The following AHCYL2 variants were observed in gnomAD, a reference collection of about 807,000 sequenced individuals.
The protein encoded by AHCYL2 is adenosylhomocysteinase like 2, also known as S-adenosylhomocysteine hydrolase-like protein 2.
In AHCYL2, 28 loss-of-function variants were observed where a neutral mutation model predicts 81.4. The observed-to-expected ratio is 0.34, with a 90% confidence interval of 0.25 to 0.47. The LOEUF (loss-of-function observed/expected upper bound fraction) is 0.47. Ranked by LOEUF, AHCYL2 falls within the 20% of genes least tolerant of loss-of-function variation. The pLI, the probability that AHCYL2 is intolerant of heterozygous loss-of-function variation, is 1.00. For missense variants in AHCYL2, 551 were observed against 785.1 expected (o/e 0.70, Z 3.56); for synonymous variants, 272 against 290.2 (o/e 0.94, Z 0.64).
At chr7:129,393,685 G>T (rs527846874) in intron 4 of AHCYL2, among the ~76,000 whole-genome samples, 2 of 152,026 alleles carry the variant, frequency 1.3e-5, no homozygotes, top group South Asian at 4.2e-4. Flanking sequence ...TTCATTCTTT[G>T]AACATTTCCT....
intron 1 of AHCYL2, among the ~76,000 whole-genome samples, chr7:129,340,411 C>T (rs1346598662): frequency 6.6e-6 from 1 of 150,698 alleles, no homozygotes; most frequent in Admixed American, 6.6e-5. Flanking sequence ...ACTAAAAATA[C>T]AAAAAAATTA....
At chr7:129,226,767 A>G (rs1179702550) in intron 1 of AHCYL2, among the ~76,000 whole-genome samples, 2 of 152,220 alleles carry the variant, frequency 1.3e-5, no homozygotes, top group African/African-American at 4.8e-5. Flanking sequence ...TCCTCTGGGA[A>G]GAATTAGAGT....
chr7:129,406,495 C>A lies in AHCYL2; in HGVS notation c.1295+29C>A. The A allele has an allele frequency of 1.2e-6, 2 of 1,604,546 alleles. No homozygotes were observed. The highest frequency in any genetic ancestry group is 1.7e-6 in the Non-Finnish European group (2 of 1,171,410). ...AGCCTCTACGCTACCATCTCACTTG[C>A]AATCTCGGAGCTGTCTCCAAAGAAT... On this transcript the variant is annotated intron_variant, in intron 10 of 16. Transcript: ENST00000325006. The surrounding 1 kb of genome is among the most constrained non-coding windows in gnomAD (Gnocchi z 4.3).
At chr7:129,370,772 C>T (rs1477353493) in intron 1 of AHCYL2, among the ~76,000 whole-genome samples, 1 of 152,188 alleles carries the variant, frequency 6.6e-6, no homozygotes, top group African/African-American at 2.4e-5. Context: ...GTATTACTCT[C>T]ACTTAGGAAT....
At chr7:129,353,087 A>G (rs538915290) in intron 1 of AHCYL2, among the ~76,000 whole-genome samples, 16 of 152,074 alleles carry the variant, frequency 1.1e-4, no homozygotes, top group Non-Finnish European at 2.2e-4. Flanking sequence ...CTGGGATTAC[A>G]GATGGCTGCC....
intron 12 of AHCYL2, among the ~76,000 whole-genome samples, chr7:129,422,629 G>T (rs539672269): frequency 1.3e-5 from 2 of 152,200 alleles, no homozygotes; most frequent in Non-Finnish European, 1.5e-5. Flanking sequence ...ATATGTTGTG[G>T]AATGACATCC....
chr7:129,226,922 A>AATTT (rs3993422), intron 1 of AHCYL2, among the ~76,000 whole-genome samples: 1 of 152,028 alleles, frequency 6.6e-6, no homozygotes, highest in Non-Finnish European at 1.5e-5. Flanking sequence ...GATACTTTGT[A>AATTT]TCGTTAAGTC....
intron 1 of AHCYL2, among the ~76,000 whole-genome samples, chr7:129,350,464 A>ACCT (rs1793519289): frequency 6.6e-6 from 1 of 151,410 alleles, no homozygotes; most frequent in Admixed American, 6.6e-5. Flanking sequence ...GCTTACTGCA[A>ACCT]CCTCTGCCTC....
intron 1 of AHCYL2, among the ~76,000 whole-genome samples, chr7:129,335,516 T>C (rs1295183283): frequency 6.6e-6 from 1 of 152,218 alleles, no homozygotes; most frequent in Admixed American, 6.5e-5. Flanking sequence ...TCGTTTACTT[T>C]GCTTCTGATT....
At chr7:129,340,429 G>A (rs938084782) in intron 1 of AHCYL2, among the ~76,000 whole-genome samples, 5 of 151,474 alleles carry the variant, frequency 3.3e-5, no homozygotes, top group East Asian at 3.9e-4. Context: ...TTAGCCGGGC[G>A]TGGTGGCAGT....
intron 1 of AHCYL2, among the ~76,000 whole-genome samples, chr7:129,338,689 TG>T (rs1220559770): frequency 5.3e-5 from 8 of 152,250 alleles, no homozygotes; most frequent in African/African-American, 1.9e-4. Context: ...CTATGTAAAC[TG>T]GTGACATGCT....
chr7:129,382,633 C>T (rs778108861), intron 2 of AHCYL2, among the ~76,000 whole-genome samples: 15 of 151,564 alleles, frequency 9.9e-5, no homozygotes, highest in Middle Eastern at 3.5e-3. Context: ...AGGCAGGGCG[C>T]GTTGGCTCAC....
rs140976836 is a variant in AHCYL2, at chr7:129,321,280, G to A, written c.364-58358G>A. On this transcript the variant is annotated intron_variant, in intron 1 of 16. Transcript: ENST00000325006. Reference sequence around the variant, plus strand: ...AAAGCATTCAGTTTTTCATCCTTACGTATAATGTTAACTGTAATTTGTTGT... The same window carrying A: ...AAAGCATTCAGTTTTTCATCCTTACATATAATGTTAACTGTAATTTGTTGT... Among the ~76,000 whole-genome samples the A allele has an allele frequency of 8.5e-4, 129 of 152,214 alleles. No individual in the cohort carries two copies. The East Asian group carries it at 0.018, about 21-fold the overall frequency.
chr7:129,401,645 A>C (rs1473246308), intron 6 of AHCYL2, among the ~76,000 whole-genome samples: 2 of 152,180 alleles, frequency 1.3e-5, no homozygotes, highest in Non-Finnish European at 2.9e-5. Context: ...TGGCTGTAAG[A>C]TGAGTCAGCT....
intron 15 of AHCYL2, among the ~76,000 whole-genome samples, chr7:129,425,730 C>G (rs1303551480): frequency 6.6e-6 from 1 of 152,182 alleles, no homozygotes; most frequent in Non-Finnish European, 1.5e-5. Flanking sequence ...AGGCAAAGAT[C>G]AGGTAATAAA....
At chr7:129,383,389 C>T (rs1795055154) in intron 2 of AHCYL2, among the ~76,000 whole-genome samples, 3 of 151,946 alleles carry the variant, frequency 2.0e-5, no homozygotes, top group East Asian at 1.9e-4. Flanking sequence ...AGGCTGGTCT[C>T]AAACTCCTGG....
At chr7:129,327,704 T>G (rs887893025) in intron 1 of AHCYL2, among the ~76,000 whole-genome samples, 2 of 152,122 alleles carry the variant, frequency 1.3e-5, no homozygotes, top group African/African-American at 4.8e-5. Flanking sequence ...GACCCGGTGA[T>G]CCACCCACCT....
chr7:129,276,038 A>T (rs1343895044), intron 1 of AHCYL2, among the ~76,000 whole-genome samples: 1 of 152,192 alleles, frequency 6.6e-6, no homozygotes. Flanking sequence ...CTATTCTCGT[A>T]CTCAATTCAG....
At chr7:129,317,078 C>G (rs1252592748) in intron 1 of AHCYL2, among the ~76,000 whole-genome samples, 2 of 152,172 alleles carry the variant, frequency 1.3e-5, no homozygotes, top group African/African-American at 4.8e-5. Context: ...CGTTGATTCA[C>G]TTAGAGACAG....
Sources: gnomAD v4.1 joint callset for allele counts (sites outside exome capture counted in the v4.1 genomes callset) on GRCh38, gnomAD v4.1.1 for gene constraint, Gnocchi (gnomAD v3.1) non-coding constraint, MANE v1.5 for transcripts, NCBI Gene and HGNC (gene_info 2026-07-23, HGNC 2026-07-21) for gene names.